The following CFAP299 variants were observed in gnomAD, a reference collection of about 807,000 sequenced individuals.
CFAP299 encodes cilia and flagella associated protein 299.
A neutral mutation model predicts 27.0 loss-of-function variants in CFAP299; 21 were observed. The observed-to-expected ratio is 0.78, with a 90% CI of 0.55 to 1.12. The LOEUF is 1.12. Ranked by LOEUF, CFAP299 falls within the 50% of genes most tolerant of loss-of-function variation. The pLI is 0.00. For missense variants in CFAP299, 310 were observed against 276.6 expected, an observed-to-expected ratio of 1.12 and a Z score of -0.86; for synonymous variants, 104 against 98.1, an observed-to-expected ratio of 1.06 and a Z score of -0.36.
chr4:80,489,979 G>A (rs2110137224), intron 2 of CFAP299, among the ~76,000 whole-genome samples: 1 of 152,238 alleles, frequency 6.6e-6, no homozygotes, highest in East Asian at 1.9e-4. Flanking sequence ...TAACTCCCGT[G>A]TCAAATTAGG....
At chr4:80,726,653 A>G (rs1723180983) in intron 3 of CFAP299, among the ~76,000 whole-genome samples, 1 of 152,174 alleles carries the variant, frequency 6.6e-6, no homozygotes, top group Non-Finnish European at 1.5e-5. Context: ...TTGGCATTTC[A>G]CATACAGAGC....
At chr4:80,364,119 T>C (rs1041293691) in intron 2 of CFAP299, among the ~76,000 whole-genome samples, 324 of 7,368 alleles carry the variant, frequency 0.044, 3 homozygotes, top group African/African-American at 0.17. Flanking sequence ...CACACACACA[T>C]TTCTTTGTTC....
At chr4:80,848,900 G>A (rs1296058887) in intron 3 of CFAP299, among the ~76,000 whole-genome samples, 1 of 152,198 alleles carries the variant, frequency 6.6e-6, no homozygotes, top group Non-Finnish European at 1.5e-5. Context: ...TCAGTGAGTA[G>A]TGAGTGCATG....
At chr4:80,823,139 A>G (rs576142386) in intron 3 of CFAP299, among the ~76,000 whole-genome samples, 2 of 152,230 alleles carry the variant, frequency 1.3e-5, no homozygotes, top group South Asian at 2.1e-4. Context: ...ATCTTGCCCT[A>G]ACCTAAACAC....
At chr4:80,367,487 C>T (rs17004887) in intron 2 of CFAP299, among the ~76,000 whole-genome samples, 3 of 152,088 alleles carry the variant, frequency 2.0e-5, no homozygotes, top group Admixed American at 2.0e-4. Context: ...TTAATTTGTA[C>T]CTGTTCCTTC....
chr4:80,777,304 C>A (rs921942725), intron 3 of CFAP299, among the ~76,000 whole-genome samples: 3 of 152,152 alleles, frequency 2.0e-5, no homozygotes, highest in Non-Finnish European at 4.4e-5. Context: ...TAAAGTTTTG[C>A]ATCCCCCATT....
At chr4:80,672,215 G>C (rs529073243) in intron 3 of CFAP299, among the ~76,000 whole-genome samples, 3 of 152,236 alleles carry the variant, frequency 2.0e-5, no homozygotes, top group African/African-American at 4.8e-5. Flanking sequence ...TAGCATGAAG[G>C]GATGTTGAAT....
intron 3 of CFAP299, among the ~76,000 whole-genome samples, chr4:80,737,796 G>C (rs77369372): frequency 0.073 from 11,072 of 151,966 alleles, 480 homozygotes; most frequent in Middle Eastern, 0.092. Flanking sequence ...TTAAAACCCA[G>C]TTTTTTATTT....
intron 2 of CFAP299, among the ~76,000 whole-genome samples, chr4:80,514,218 A>G (rs1393543259): frequency 6.6e-6 from 1 of 152,096 alleles, no homozygotes; most frequent in African/African-American, 2.4e-5. Context: ...AGAGATTGGA[A>G]CAACAATTAG....
At chr4:80,483,307 T>C (rs1466566562) in intron 2 of CFAP299, among the ~76,000 whole-genome samples, 1 of 152,208 alleles carries the variant, frequency 6.6e-6, no homozygotes, top group Non-Finnish European at 1.5e-5. Flanking sequence ...AAGAAATTTA[T>C]GTTGCCTTAC....
chr4:80,770,416 G>T (rs1158863983), intron 3 of CFAP299, among the ~76,000 whole-genome samples: 1 of 151,150 alleles, frequency 6.6e-6, no homozygotes, highest in Non-Finnish European at 1.5e-5. Flanking sequence ...ATATATACAA[G>T]TTTATGGACT....
chr4:80,487,657 A>G (rs907722055), intron 2 of CFAP299, among the ~76,000 whole-genome samples: 38 of 152,220 alleles, frequency 2.5e-4, no homozygotes, highest in Non-Finnish European at 2.2e-4. Context: ...ACAGGGATGA[A>G]AAAAGAGGAA....
intron 4 of CFAP299, among the ~76,000 whole-genome samples, chr4:80,939,123 A>G (rs1009642587): frequency 1.3e-5 from 2 of 152,144 alleles, no homozygotes; most frequent in African/African-American, 4.8e-5. Context: ...GACTTTTGGC[A>G]ATTTGATTAG....
At chr4:80,451,921 C>T (rs1177102040) in intron 2 of CFAP299, among the ~76,000 whole-genome samples, 4 of 152,118 alleles carry the variant, frequency 2.6e-5, no homozygotes, top group Admixed American at 1.3e-4. Flanking sequence ...TTCACTAGGT[C>T]CTATAGTAAA....
rs184182038 is a variant in CFAP299, at chr4:80,663,995, C to A, written c.333+80812C>A. 8.2e-4 allele frequency among the ~76,000 whole-genome samples: 124 copies of A among 152,144 alleles called. 1 individual carries two copies. The highest frequency in any genetic ancestry group is 2.8e-3 in the African/African-American group (116 of 41,526). On this transcript the variant is annotated intron_variant, in intron 3 of 5. Coordinates refer to ENST00000358105, the MANE Select transcript of CFAP299 (RefSeq NM_152770.3). ...TTTGATAAGTCGTTTGTTTTGTTCT[C>A]ATAAATTTGTTTAAGTTCCTTGTAG...
At chr4:80,718,892 A>C (rs1030616281) in intron 3 of CFAP299, among the ~76,000 whole-genome samples, 1 of 152,164 alleles carries the variant, frequency 6.6e-6, no homozygotes, top group Non-Finnish European at 1.5e-5. Context: ...ATGTGCTTTG[A>C]ATGTCCATTG....
chr4:80,388,564 A>T, intron 2 of CFAP299: 1 of 1,418,776 alleles, frequency 7.0e-7, no homozygotes, highest in Non-Finnish European at 9.9e-7. Flanking sequence ...AGAGAAAGAC[A>T]TCCTCATCAT....
At chr4:80,800,583 TAA>T (rs1560419452) in intron 3 of CFAP299, among the ~76,000 whole-genome samples, 2 of 85,476 alleles carry the variant, frequency 2.3e-5, no homozygotes, top group Non-Finnish European at 4.0e-5. Context: ...TATAAATATA[TAA>T]TATATAATAT....
chr4:80,937,298 CTTTTTTTTTCTTTCTTTTTTTTT>C (rs1736943966), intron 4 of CFAP299, among the ~76,000 whole-genome samples: 2 of 94,360 alleles, frequency 2.1e-5, no homozygotes, highest in African/African-American at 9.4e-5. Context: ...TTTCTTTTTT[CTTTTTTTTTCTTTCTTTTTTTTT>C]TTTTTTTTTT....
Sources: allele counts gnomAD v4.1 joint callset (sites outside exome capture counted in the v4.1 genomes callset), GRCh38; gene constraint gnomAD v4.1.1; transcripts MANE v1.5; gene names NCBI Gene and HGNC (gene_info 2026-07-23, HGNC 2026-07-21).